Variants in PLCE1 observed in about 807,000 individuals in gnomAD.
PLCE1 encodes the protein phospholipase C epsilon 1.
A neutral mutation model predicts 242.8 loss-of-function variants in PLCE1; 119 were observed. The observed-to-expected ratio is 0.49, with a 90% CI of 0.42 to 0.57. The LOEUF is 0.57. Among genes scored for constraint, PLCE1 ranks in the 20% least tolerant of loss-of-function variants. PLCE1 has a pLI of 0.00. For synonymous variants in PLCE1, 945 were observed against 1,017.4 expected, an observed-to-expected ratio of 0.93 and a Z score of 1.35; for missense variants, 2,441 against 2,788.8, an observed-to-expected ratio of 0.88 and a Z score of 2.81.
intron 2 of PLCE1, among the ~76,000 whole-genome samples, chr10:94,038,993 C>G (rs1480063754): frequency 3.9e-5 from 6 of 152,136 alleles, no homozygotes; most frequent in African/African-American, 1.4e-4. Context: ...ACTGTTTGGT[C>G]TTGTGACTGG....
At chr10:94,292,950 C>G (rs1251875814) in intron 22 of PLCE1, among the ~76,000 whole-genome samples, 1 of 152,164 alleles carries the variant, frequency 6.6e-6, no homozygotes, top group Admixed American at 6.5e-5. Context: ...AGTTGTTAGA[C>G]CAGGAGTGAG....
At position 94,151,646 on chromosome 10, in the gene PLCE1, C is replaced by A. The variant is rs115320583; in HGVS notation, c.1492+19187C>A. On this transcript the variant is annotated intron_variant, in intron 3 of 32. Coordinates refer to ENST00000371380, the MANE Select transcript of PLCE1 (RefSeq NM_016341.4). The stretch of plus-strand genomic sequence containing the variant: ...TGCGATGGTTACAGCTTGAGGTGAG[C>A]TTTCTTAGGATGAGAGAGGGGTGTG... 2.1e-3 allele frequency among the ~76,000 whole-genome samples: 315 copies of A among 152,198 alleles called. 3 individuals are homozygous for A. Among genetic ancestry groups the A allele is most frequent in the African/African-American group, 6.6e-3 (272 of 41,526 alleles).
intron 8 of PLCE1, among the ~76,000 whole-genome samples, chr10:94,248,948 AC>A (rs2050781029): frequency 1.3e-5 from 2 of 152,176 alleles, no homozygotes; most frequent in African/African-American, 4.8e-5. Flanking sequence ...ACCAGCTGAG[AC>A]CACGAACGGC....
At chr10:93,997,166 T>C (rs534534298) in intron 1 of PLCE1, among the ~76,000 whole-genome samples, 1 of 152,146 alleles carries the variant, frequency 6.6e-6, no homozygotes, top group Non-Finnish European at 1.5e-5. Flanking sequence ...ATTTCCAAAA[T>C]CAAAAAAGCT....
intron 16 of PLCE1, 51 bp downstream of exon 16, chr10:94,266,009 T>G (rs1224478089): frequency 6.3e-7 from 1 of 1,579,430 alleles, no homozygotes; most frequent in East Asian, 2.2e-5. Flanking sequence ...TAATTATTTA[T>G]GTAACCCCCA....
Position 94,101,129 on chromosome 10 carries a change from G to A in PLCE1, c.1207-31045G>A, listed in dbSNP as rs112265577. Among the ~76,000 whole-genome samples the A allele has an allele frequency of 8.1e-3, 1,231 of 152,304 alleles. 18 individuals are homozygous for A. The highest frequency in any genetic ancestry group is 0.028 in the African/African-American group (1,179 of 41,566). On this transcript the variant is annotated intron_variant, in intron 2 of 32. Coordinates refer to ENST00000371380, the MANE Select transcript of PLCE1 (RefSeq NM_016341.4). ...GTCAGAAGCCCTGCCGAGGCAGCGT[G>A]AGGCTTATGAGGAAATGGGGCATGA...
chr10:94,142,891 AT>A (rs1590114647), intron 3 of PLCE1, among the ~76,000 whole-genome samples: 1 of 152,218 alleles, frequency 6.6e-6, no homozygotes, highest in East Asian at 1.9e-4. Flanking sequence ...TAGGCCACTG[AT>A]TAATTCAATC....
At chr10:94,149,226 C>T (rs775886119) in intron 3 of PLCE1, among the ~76,000 whole-genome samples, 1 of 152,168 alleles carries the variant, frequency 6.6e-6, no homozygotes, top group African/African-American at 2.4e-5. Context: ...GTGCTCTTGG[C>T]ACAGTCGGCA....
chr10:94,095,202 T>G (rs2045259794), intron 2 of PLCE1, among the ~76,000 whole-genome samples: 1 of 152,256 alleles, frequency 6.6e-6, no homozygotes, highest in African/African-American at 2.4e-5. Context: ...TCGGGACTCA[T>G]GCAATGACAG....
chr10:94,235,062 TCACACACACACACA>T (rs3222767), intron 6 of PLCE1, among the ~76,000 whole-genome samples: 3 of 135,440 alleles, frequency 2.2e-5, no homozygotes, highest in Admixed American at 1.5e-4. Flanking sequence ...TACTGACCTT[TCACACACACACACA>T]CACACACACA....
intron 2 of PLCE1, among the ~76,000 whole-genome samples, chr10:94,128,188 G>A (rs771947314): frequency 3.9e-5 from 6 of 151,988 alleles, no homozygotes; most frequent in Non-Finnish European, 5.9e-5. Flanking sequence ...GGGTTTTACC[G>A]TGTTGGTCAG....
At position 94,067,619 on chromosome 10, in the gene PLCE1, C is replaced by A. The variant is rs146425093; in HGVS notation, c.1206+35367C>A. Among the ~76,000 whole-genome samples, 202 of 152,194 alleles carry A rather than the reference C, an allele frequency of 1.3e-3. 1 individual carries two copies. Among genetic ancestry groups the A allele is most frequent in the African/African-American group, 4.1e-3 (170 of 41,524 alleles). On this transcript the variant is annotated intron_variant, in intron 2 of 32. Transcript: ENST00000371380. ...GACACAAATAAGGCCTGAGCAACAC[C>A]CCAGGGCTAACAGCAAAGGGCCTGA...
intron 29 of PLCE1, among the ~76,000 whole-genome samples, chr10:94,317,293 A>C (rs906007350): frequency 6.6e-6 from 1 of 152,186 alleles, no homozygotes; most frequent in Non-Finnish European, 1.5e-5. Flanking sequence ...TCACACAAAT[A>C]AACTATTCCA....
chr10:94,212,317 T>G (rs1042241113), intron 4 of PLCE1, among the ~76,000 whole-genome samples: 1 of 152,086 alleles, frequency 6.6e-6, no homozygotes, highest in South Asian at 2.1e-4. Flanking sequence ...AGTGCAGTGG[T>G]GCCATCTCAG....
intron 24 of PLCE1, among the ~76,000 whole-genome samples, chr10:94,301,306 T>G (rs890436608): frequency 6.6e-6 from 1 of 151,518 alleles, no homozygotes. Context: ...ATCGCGCCAC[T>G]GCACTTCAGC....
At chr10:94,248,044 C>T (rs1250356381) in intron 8 of PLCE1, among the ~76,000 whole-genome samples, 1 of 152,236 alleles carries the variant, frequency 6.6e-6, no homozygotes, top group Non-Finnish European at 1.5e-5. Context: ...ACTTGAACTA[C>T]TCAAATGCCT....
At chr10:94,151,560 G>A (rs892120894) in intron 3 of PLCE1, among the ~76,000 whole-genome samples, 5 of 152,172 alleles carry the variant, frequency 3.3e-5, no homozygotes, top group African/African-American at 1.2e-4. Context: ...AGAAGCATTA[G>A]GATTTTATCG....
intron 29 of PLCE1, among the ~76,000 whole-genome samples, chr10:94,317,048 C>A (rs1403879433): frequency 6.6e-6 from 1 of 152,108 alleles, no homozygotes; most frequent in Non-Finnish European, 1.5e-5. Flanking sequence ...GTCAGGAGTT[C>A]AAGACCAGCC....
At chr10:94,252,639 A>G (rs1589422744) in intron 9 of PLCE1, 141 bp downstream of exon 9, 2 of 726,284 alleles carry the variant, frequency 2.8e-6, no homozygotes, top group East Asian at 5.4e-5. Context: ...CTTACCACAT[A>G]CCTCCATGGT....
Sources: gnomAD v4.1 joint callset for allele counts (sites outside exome capture counted in the v4.1 genomes callset) on GRCh38, gnomAD v4.1.1 for gene constraint, MANE v1.5 for transcripts, NCBI Gene and HGNC (gene_info 2026-07-23, HGNC 2026-07-21) for gene names.